PEX5L: variants seen among roughly 807,000 people sequenced by gnomAD.
PEX5L encodes peroxisomal biogenesis factor 5 like, also known as PEX5-related protein.
PEX5L carries 30 observed loss-of-function variants against 84.0 expected under a neutral mutation model. The observed-to-expected ratio is 0.36, with a 90% CI of 0.27 to 0.48. The LOEUF is 0.48. Ranked by LOEUF, PEX5L falls within the 20% of genes least tolerant of loss-of-function variation. The pLI is 0.99. For missense variants in PEX5L, 533 were observed against 754.6 expected (o/e 0.71, Z 3.44); for synonymous variants, 270 against 283.1 (o/e 0.95, Z 0.46).
At chr3:179,881,549 T>C (rs1033762481) in intron 4 of PEX5L, 9 of 152,238 alleles carry the variant, frequency 5.9e-5, no homozygotes, top group African/African-American at 2.2e-4. Flanking sequence ...AATGATCTAA[T>C]GTATGTAAAG....
At chr3:180,006,244 A>G (rs1788876241) in intron 1 of PEX5L, among the ~76,000 whole-genome samples, 1 of 152,070 alleles carries the variant, frequency 6.6e-6, no homozygotes, top group Admixed American at 6.6e-5. Context: ...CCTTATTTCC[A>G]TTCATACCAG....
At chr3:179,992,631 G>C (rs1168947210) in intron 1 of PEX5L, among the ~76,000 whole-genome samples, 1 of 152,096 alleles carries the variant, frequency 6.6e-6, no homozygotes, top group Non-Finnish European at 1.5e-5. Flanking sequence ...TCAGAAAAAA[G>C]TACTGTGTGT....
intron 1 of PEX5L, among the ~76,000 whole-genome samples, chr3:180,025,446 G>A (rs116209029): frequency 0.026 from 3,931 of 152,240 alleles, 163 homozygotes; most frequent in African/African-American, 0.091. Context: ...ACAAGAAGTT[G>A]GGGAGACTGA....
intron 2 of PEX5L, among the ~76,000 whole-genome samples, chr3:179,909,607 T>C (rs1051759331): frequency 6.6e-6 from 1 of 152,212 alleles, no homozygotes; most frequent in South Asian, 2.1e-4. Flanking sequence ...TGTCAGGAGC[T>C]GAGTTGTGTA....
At chr3:179,851,623 C>A (rs1741928129) in intron 8 of PEX5L, among the ~76,000 whole-genome samples, 1 of 152,096 alleles carries the variant, frequency 6.6e-6, no homozygotes, top group African/African-American at 2.4e-5. Context: ...CTGTGGGAGG[C>A]AATGTTAGCT....
At chr3:179,927,666 T>C (rs550090563) in intron 2 of PEX5L, among the ~76,000 whole-genome samples, 27 of 152,310 alleles carry the variant, frequency 1.8e-4, no homozygotes, top group African/African-American at 5.5e-4. Context: ...TTAATTGTTA[T>C]TTTCTTTATA....
At chr3:179,946,788 A>G (rs1382277781) in intron 2 of PEX5L, among the ~76,000 whole-genome samples, 3 of 152,202 alleles carry the variant, frequency 2.0e-5, no homozygotes, top group Non-Finnish European at 2.9e-5. Flanking sequence ...ATAACAGCAC[A>G]CAGCTATAAT....
At chr3:179,895,188 A>G (rs532861570) in intron 3 of PEX5L, among the ~76,000 whole-genome samples, 176 of 152,242 alleles carry the variant, frequency 1.2e-3, no homozygotes, top group Non-Finnish European at 1.7e-3. Flanking sequence ...AAAATCCAAA[A>G]TATTACCATT....
intron 1 of PEX5L, among the ~76,000 whole-genome samples, chr3:180,004,698 A>G (rs1413460984): frequency 6.6e-6 from 1 of 152,110 alleles, no homozygotes; most frequent in Non-Finnish European, 1.5e-5. Flanking sequence ...CCCAAGATAT[A>G]CTGAAGTTAA....
At chr3:179,811,769 A>C in intron 11 of PEX5L, 32 bp downstream of exon 11, 2 of 1,453,324 alleles carry the variant, frequency 1.4e-6, no homozygotes, top group Non-Finnish European at 1.9e-6. Flanking sequence ...AGTATCCACC[A>C]GGCCCATGAT....
chr3:179,846,015 C>CA (rs1230712766), intron 8 of PEX5L, among the ~76,000 whole-genome samples: 1 of 152,046 alleles, frequency 6.6e-6, no homozygotes, highest in Admixed American at 6.5e-5. Flanking sequence ...ACTAAAAATA[C>CA]AAAAATTAGC....
chr3:179,873,022 C>T (rs145624250), intron 7 of PEX5L, among the ~76,000 whole-genome samples: 1 of 152,282 alleles, frequency 6.6e-6, no homozygotes, highest in Non-Finnish European at 1.5e-5. Flanking sequence ...AGTAATCGTC[C>T]TCTCTTGTGG....
intron 9 of PEX5L, among the ~76,000 whole-genome samples, chr3:179,817,873 C>T (rs982794728): frequency 1.1e-4 from 16 of 152,154 alleles, no homozygotes; most frequent in Non-Finnish European, 1.0e-4. Flanking sequence ...CTATGGAGCT[C>T]AGGCAGACCT....
chr3:179,950,952 C>T (rs970669492), intron 2 of PEX5L, among the ~76,000 whole-genome samples: 1 of 152,168 alleles, frequency 6.6e-6, no homozygotes, highest in African/African-American at 2.4e-5. Context: ...GCAAAGGGTA[C>T]CAGATTGCAC....
At chr3:179,851,359 C>A (rs1372564392) in intron 8 of PEX5L, among the ~76,000 whole-genome samples, 1 of 152,178 alleles carries the variant, frequency 6.6e-6, no homozygotes, top group Non-Finnish European at 1.5e-5. Context: ...GTAGGACAAA[C>A]AAGCTCCCTC....
chr3:179,925,287 T>C (rs1301611628), intron 2 of PEX5L, among the ~76,000 whole-genome samples: 3 of 152,220 alleles, frequency 2.0e-5, no homozygotes, highest in Non-Finnish European at 4.4e-5. Context: ...AAAATCTTCC[T>C]CACGCCCCTA....
chr3:179,922,495 C>T (rs1245437805), intron 2 of PEX5L, among the ~76,000 whole-genome samples: 3 of 148,114 alleles, frequency 2.0e-5, no homozygotes, highest in Non-Finnish European at 4.5e-5. Context: ...GTTGCCCAGG[C>T]TGGAGTGCAG....
At chr3:179,860,470 C>A (rs1036167679) in intron 7 of PEX5L, among the ~76,000 whole-genome samples, 1 of 152,194 alleles carries the variant, frequency 6.6e-6, no homozygotes, top group Non-Finnish European at 1.5e-5. Flanking sequence ...CCCACCCCAA[C>A]CAATTAAATA....
At chr3:179,849,872 C>G (rs1457087507) in intron 8 of PEX5L, among the ~76,000 whole-genome samples, 1 of 152,188 alleles carries the variant, frequency 6.6e-6, no homozygotes, top group African/African-American at 2.4e-5. Context: ...TTCCAAACTA[C>G]TTTTTGGTCT....
Sources: allele counts gnomAD v4.1 joint callset (sites outside exome capture counted in the v4.1 genomes callset), GRCh38; gene constraint gnomAD v4.1.1; transcripts MANE v1.5; gene names NCBI Gene and HGNC (gene_info 2026-07-23, HGNC 2026-07-21).